CATSPERE: variants seen among roughly 807,000 people sequenced by gnomAD.
CATSPERE encodes catsper channel auxiliary subunit epsilon, also known as cation channel sperm-associated auxiliary subunit epsilon.
In CATSPERE, 93 loss-of-function variants were observed where a neutral mutation model predicts 114.1. The observed-to-expected ratio is 0.81, with a 90% CI of 0.69 to 0.97. The LOEUF (loss-of-function observed/expected upper bound fraction) is 0.97. Among genes scored for constraint, CATSPERE ranks in the 50% least tolerant of loss-of-function variants. The probability of loss-of-function intolerance (pLI) is 0.00; values close to 1 mark genes in which losing one functional copy is unlikely to be tolerated. For missense variants in CATSPERE, 1,058 were observed against 1,131.6 expected (o/e 0.93, Z 0.93); for synonymous variants, 341 against 384.1 (o/e 0.89, Z 1.31).
chr1:244,483,601 C>T (rs1376852801), intron 5 of CATSPERE, among the ~76,000 whole-genome samples: 1 of 152,074 alleles, frequency 6.6e-6, no homozygotes, highest in Non-Finnish European at 1.5e-5. Flanking sequence ...TTTATCTGTT[C>T]AGCAGGAATT....
At chr1:244,453,337 A>G (rs1665799997), upstream of CATSPERE, among the ~76,000 whole-genome samples, 3 of 152,184 alleles carry the variant, frequency 2.0e-5, no homozygotes, top group South Asian at 6.2e-4. Context: ...TTTCCATTCA[A>G]TTTTTTAAAA....
rs142110251 is a variant in CATSPERE at position 244,544,878 on chromosome 1, G to C, written c.537-7444G>C. On this transcript the variant is annotated intron_variant, in intron 8 of 21. Transcript: ENST00000366534. Reference sequence around the variant, plus strand: ...TTTTGCAGTTATTGATCTGGCAAATGCTTTTTTTTCCATCCCTGTCTATGA... The same window carrying C: ...TTTTGCAGTTATTGATCTGGCAAATCCTTTTTTTTCCATCCCTGTCTATGA... 7.9e-5 allele frequency among the ~76,000 whole-genome samples: 12 copies of C among 152,308 alleles called. No individual in the cohort carries two copies. The South Asian group carries it at 1.2e-3, about 16-fold the overall frequency.
chr1:244,546,035 G>C (rs1659701282), intron 8 of CATSPERE, among the ~76,000 whole-genome samples: 1 of 152,172 alleles, frequency 6.6e-6, no homozygotes, highest in Admixed American at 6.5e-5. Context: ...ACCCTTTCTG[G>C]GCACCCCTGA....
intron 20 of CATSPERE, among the ~76,000 whole-genome samples, chr1:244,618,881 G>A (rs574516978): frequency 3.9e-4 from 60 of 152,300 alleles, no homozygotes; most frequent in African/African-American, 1.4e-3. Flanking sequence ...GTGGCAGTAA[G>A]AATGGAAAGA....
intron 8 of CATSPERE, among the ~76,000 whole-genome samples, chr1:244,526,910 C>T (rs941867986): frequency 6.6e-6 from 1 of 152,098 alleles, no homozygotes; most frequent in African/African-American, 2.4e-5. Flanking sequence ...CCCCCCAAGC[C>T]ACAAAACCAG....
At chr1:244,454,035 A>AT (rs1665891017), upstream of CATSPERE, among the ~76,000 whole-genome samples, 1 of 152,160 alleles carries the variant, frequency 6.6e-6, no homozygotes, top group African/African-American at 2.4e-5. Flanking sequence ...TAGGGATCTG[A>AT]TTGGGAACGC....
chr1:244,614,437 T>G (rs1365802735), intron 19 of CATSPERE, among the ~76,000 whole-genome samples: 1 of 152,252 alleles, frequency 6.6e-6, no homozygotes. Flanking sequence ...CTCTGAAAGT[T>G]CCTTGACAGT....
intron 20 of CATSPERE, among the ~76,000 whole-genome samples, chr1:244,629,929 G>A (rs1330907121): frequency 6.6e-6 from 1 of 151,876 alleles, no homozygotes; most frequent in Non-Finnish European, 1.5e-5. Context: ...TGTGAGCCAC[G>A]ACACTTGGCC....
At chr1:244,639,138 G>C (rs906786957) in intron 21 of CATSPERE, among the ~76,000 whole-genome samples, 1 of 152,210 alleles carries the variant, frequency 6.6e-6, no homozygotes, top group Non-Finnish European at 1.5e-5. Context: ...CTGAGCTGCT[G>C]TCATACTGAA....
chr1:244,484,110 A>T (rs377565437), intron 5 of CATSPERE, among the ~76,000 whole-genome samples: 109 of 152,282 alleles, frequency 7.2e-4, no homozygotes, highest in African/African-American at 2.3e-3. Context: ...CCATATATGC[A>T]TGGGTGTTTC....
rs755949097 is a variant in CATSPERE at position 244,572,700 on chromosome 1, T to C, written c.1878T>C (p.Tyr626=). The C allele has an allele frequency of 8.1e-6, 13 of 1,613,746 alleles. No individual in the cohort carries two copies. Among genetic ancestry groups the C allele is most frequent in the African/African-American group, 6.7e-5 (5 of 74,938 alleles). The change falls in exon 11 of 22, where the codon TAT becomes TAC. Residue 626 remains tyrosine, a synonymous_variant. Transcript: ENST00000366534. ...NTGLYVIVES[Y]GPKILQESHE... ...GTCTGTATGTTATTGTGGAATCTTA[T>C]GGCCCAAAAATATTACAAGAGAGTC...
upstream of CATSPERE, among the ~76,000 whole-genome samples, chr1:244,459,421 C>T (rs1414661069): frequency 1.3e-5 from 2 of 152,136 alleles, no homozygotes; most frequent in Non-Finnish European, 2.9e-5. Context: ...CTTCATGGAA[C>T]AGAGTTCTAT....
chr1:244,530,527 T>A (rs867576847), intron 8 of CATSPERE, among the ~76,000 whole-genome samples: 2 of 152,194 alleles, frequency 1.3e-5, no homozygotes, highest in Non-Finnish European at 2.9e-5. Context: ...TGTAAAAATT[T>A]TAGGATTTTT....
At chr1:244,460,384 C>T (rs1666571282), upstream of CATSPERE, among the ~76,000 whole-genome samples, 1 of 152,154 alleles carries the variant, frequency 6.6e-6, no homozygotes, top group Non-Finnish European at 1.5e-5. Flanking sequence ...GATCAGTAAA[C>T]TGGCTCATCT....
Position 244,489,450 on chromosome 1 carries a change from A to ATTTTTTTT in CATSPERE, c.327-973_327-966dup, listed in dbSNP as rs10524749. Among the ~76,000 whole-genome samples, 44 of 85,568 alleles carry ATTTTTTTT rather than the reference A, an allele frequency of 5.1e-4. 3 individuals are homozygous for ATTTTTTTT. The highest frequency in any genetic ancestry group is 1.8e-3 in the East Asian group (5 of 2,758). The allele number at this position is 85,568 out of a possible 152,430, so 56.1% of individuals were successfully genotyped here. A position where few individuals can be genotyped will look rare whatever the true frequency, so the allele number is the denominator to read the frequency against. On this transcript the variant is annotated intron_variant, in intron 5 of 21. Coordinates refer to ENST00000366534, the MANE Select transcript of CATSPERE (RefSeq NM_001130957.2). ...CTTGCAGTATTAAGGAAGCATGCAG[A>ATTTTTTTT]TTTTTTTTTTTTTTTTTTTTTTTTT...
intron 11 of CATSPERE, among the ~76,000 whole-genome samples, chr1:244,578,157 T>G (rs1665572474): frequency 6.6e-6 from 1 of 152,248 alleles, no homozygotes; most frequent in East Asian, 1.9e-4. Flanking sequence ...TTTGTTGGTT[T>G]GTTGGTTTGT....
intron 8 of CATSPERE, among the ~76,000 whole-genome samples, chr1:244,532,907 T>C (rs552111066): frequency 6.6e-6 from 1 of 152,280 alleles, no homozygotes; most frequent in South Asian, 2.1e-4. Flanking sequence ...CCAGTGTTTG[T>C]TGATTTTCTG....
chr1:244,532,741 T>G (rs1467455397), intron 8 of CATSPERE, among the ~76,000 whole-genome samples: 2 of 152,156 alleles, frequency 1.3e-5, no homozygotes, highest in Non-Finnish European at 2.9e-5. Context: ...TATTTGAATT[T>G]TTTTAATGTT....
chr1:244,483,776 A>G (rs562016846), intron 5 of CATSPERE, among the ~76,000 whole-genome samples: 16 of 152,226 alleles, frequency 1.1e-4, no homozygotes, highest in African/African-American at 3.8e-4. Flanking sequence ...TTTACTTTCC[A>G]TGACTCCTAT....
Sources: allele counts gnomAD v4.1 joint callset (sites outside exome capture counted in the v4.1 genomes callset), GRCh38; gene constraint gnomAD v4.1.1; transcripts MANE v1.5; gene names NCBI Gene and HGNC (gene_info 2026-07-23, HGNC 2026-07-21).